The following CCAR1 variants were observed in gnomAD, a reference collection of about 807,000 sequenced individuals.
The protein encoded by CCAR1 is cell division cycle and apoptosis regulator 1.
CCAR1 carries 78 observed loss-of-function variants against 163.8 expected under a neutral mutation model. The observed-to-expected ratio is 0.48, with a 90% CI of 0.40 to 0.57. CCAR1 has a LOEUF of 0.57. CCAR1 is among the 20% of genes least tolerant of loss of function. The pLI is 0.00. For synonymous variants in CCAR1, 443 were observed against 460.7 expected (o/e 0.96, Z 0.49); for missense variants, 1,019 against 1,365.2 (o/e 0.75, Z 4.00).
intron 6 of CCAR1, among the ~76,000 whole-genome samples, chr10:68,743,165 C>T (rs1288245518): frequency 1.3e-5 from 2 of 151,130 alleles, no homozygotes; most frequent in African/African-American, 4.9e-5. Flanking sequence ...ATAGGATAAT[C>T]ATTCCCTTAC....
chr10:68,722,597 G>T lies in CCAR1; in HGVS notation c.73+20G>T. The T allele has an allele frequency of 6.4e-7, 1 of 1,570,874 alleles. No individual in the cohort carries two copies. Among genetic ancestry groups the T allele is most frequent in the Admixed American group, 1.7e-5 (1 of 59,692 alleles). On this transcript the variant is annotated intron_variant, in intron 2 of 24. Coordinates refer to ENST00000265872, the MANE Select transcript of CCAR1 (RefSeq NM_018237.4). ...AGCCAGGTCAGGCTTCTAAATACAT[G>T]TACTGTAATTGTTTGTGGGGGACTT... is the stretch of plus-strand genomic sequence containing the variant.
chr10:68,766,303 A>G (rs948392629), intron 17 of CCAR1, among the ~76,000 whole-genome samples: 1 of 151,904 alleles, frequency 6.6e-6, no homozygotes, highest in African/African-American at 2.4e-5. Context: ...CCCGGGTTCA[A>G]GCAATTCTCC....
At chr10:68,722,087 C>G (rs1451005767) in intron 1 of CCAR1, among the ~76,000 whole-genome samples, 1 of 152,166 alleles carries the variant, frequency 6.6e-6, no homozygotes. Flanking sequence ...AACCCATTGC[C>G]AGAAGAAACA....
chr10:68,788,099 G>T, intron 22 of CCAR1, 44 bp from the exon 23 acceptor site: 1 of 1,521,922 alleles, frequency 6.6e-7, no homozygotes, highest in Admixed American at 2.2e-5. Flanking sequence ...AGTAATTAAA[G>T]AAGAAAAATA....
At chr10:68,769,542 C>G (rs1467445315) in intron 17 of CCAR1, among the ~76,000 whole-genome samples, 2 of 149,154 alleles carry the variant, frequency 1.3e-5, no homozygotes, top group Non-Finnish European at 3.0e-5. Context: ...ATTGCTTGAA[C>G]CTGGGAGGCG....
intron 4 of CCAR1, among the ~76,000 whole-genome samples, chr10:68,738,398 A>G (rs904256672): frequency 1.3e-5 from 2 of 152,158 alleles, no homozygotes; most frequent in Non-Finnish European, 2.9e-5. Flanking sequence ...ACTGTACTCC[A>G]GCCTGGGCAA....
At chr10:68,774,880 G>A (rs1435069262) in intron 19 of CCAR1, 1 of 358,920 alleles carries the variant, frequency 2.8e-6, no homozygotes, top group South Asian at 2.1e-5. Flanking sequence ...AGGTAGATTT[G>A]TGGCTTTTTA....
At chr10:68,791,105 A>G in intron 24 of CCAR1, 102 bp from the exon 25 acceptor site, 1 of 574,860 alleles carries the variant, frequency 1.7e-6, no homozygotes, top group East Asian at 3.3e-5. Flanking sequence ...CTTTATCACT[A>G]GAAAAAAGTA....
chr10:68,786,189 T>TA lies in CCAR1; in HGVS notation c.2705dup (p.Tyr902Ter). ...AGATGACAAAAGAGATATCAACAGATACTGCAAGGAGAGGCCCTCTAAAGA... is the reference window on the plus strand; with the variant it reads ...AGATGACAAAAGAGATATCAACAGATAACTGCAAGGAGAGGCCCTCTAAAGA... ...KRDDKRDINR[Y>*]CKERPSKDKE... The change falls in exon 20 of 25, where the codon TAC (tyrosine) becomes TAAC (stop). Residue 902 changes from tyrosine (Y) to a stop codon, truncating the protein, a stop_gained and frameshift_variant. Transcript: ENST00000265872. LOFTEE classifies it high-confidence loss of function. 6.2e-7 allele frequency: 1 copy of TA among 1,611,354 alleles called. No individual in the cohort carries two copies. Among genetic ancestry groups the TA allele is most frequent in the Non-Finnish European group, 8.5e-7 (1 of 1,177,946 alleles).
intron 5 of CCAR1, among the ~76,000 whole-genome samples, chr10:68,742,121 AC>A (rs2056191480): frequency 6.6e-6 from 1 of 152,178 alleles, no homozygotes; most frequent in Non-Finnish European, 1.5e-5. Context: ...CCTTTACTAT[AC>A]TTAGGACTTT....
Position 68,791,357 on chromosome 10 carries a change from T to A in CCAR1, c.*91T>A. 1 of 779,706 alleles carries A rather than the reference T, an allele frequency of 1.3e-6. No individual in the cohort carries two copies. The highest frequency in any genetic ancestry group is 2.1e-5 in the South Asian group (1 of 48,472). 48.3% of individuals were successfully genotyped at this position (779,706 alleles called of 1,614,324 possible). Reference sequence around the variant, plus strand: ...ATGTTTGAAGGTGATGCATGTTTGATTTTAGTAGTATAAATGTATTTTAGT... The same window carrying A: ...ATGTTTGAAGGTGATGCATGTTTGAATTTAGTAGTATAAATGTATTTTAGT... On this transcript the variant is annotated 3_prime_UTR_variant, in exon 25 of 25. Transcript: ENST00000265872.
Position 68,757,309 on chromosome 10 carries a change from G to T in CCAR1, c.1852G>T (p.Asp618Tyr). The T allele has an allele frequency of 6.4e-7, 1 of 1,560,396 alleles. No homozygotes were observed. The highest frequency in any genetic ancestry group is 8.8e-7 in the Non-Finnish European group (1 of 1,132,012). Residue 618 changes from aspartate to tyrosine, a missense_variant, in exon 15 of 25, where the codon GAT (aspartate) becomes TAT (tyrosine). Transcript: ENST00000265872. Reference sequence around the variant, plus strand: ...TGTATGTCAGGATGAAGAAGAGAAGGATGATGGTGAAGCTAAAGAAATTTC... The same window carrying T: ...TGTATGTCAGGATGAAGAAGAGAAGTATGATGGTGAAGCTAAAGAAATTTC... ...ADGEQDEEEK[D>Y]DGEAKEISTP...
chr10:68,763,909 G>C (rs1307212829), intron 16 of CCAR1, among the ~76,000 whole-genome samples: 1 of 152,122 alleles, frequency 6.6e-6, no homozygotes, highest in Non-Finnish European at 1.5e-5. Flanking sequence ...CCTTGTCCTA[G>C]TTCAGGAATC....
chr10:68,786,275 A>G, intron 20 of CCAR1, 57 bp downstream of exon 20: 1 of 1,208,716 alleles, frequency 8.3e-7, no homozygotes, highest in East Asian at 2.5e-5. Context: ...TCATCTAAAC[A>G]TAACACAGTT....
Position 68,765,893 on chromosome 10 carries a change from A to G in CCAR1, c.2112A>G (p.Glu704=). The part of the protein sequence containing the change: ...DRKSEDDKEE[E]ERKRQEEIER... Reference sequence around the variant, plus strand: ...TTGAAATTTGAAATATTTAGGAAGAAGAAAGGAAACGTCAAGAGGAAATAG... The same window carrying G: ...TTGAAATTTGAAATATTTAGGAAGAGGAAAGGAAACGTCAAGAGGAAATAG... The change falls in exon 17 of 25, where the codon GAA becomes GAG. Residue 704 remains glutamate, a synonymous_variant. Coordinates refer to ENST00000265872, the MANE Select transcript of CCAR1 (RefSeq NM_018237.4). The G allele has an allele frequency of 6.2e-7, 1 of 1,611,028 alleles. No individual in the cohort carries two copies. The highest frequency in any genetic ancestry group is 8.5e-7 in the Non-Finnish European group (1 of 1,178,490).
rs1380732184 is a variant in CCAR1, at chr10:68,723,278, C to T, written c.73+701C>T. 3.3e-5 allele frequency among the ~76,000 whole-genome samples: 5 copies of T among 149,508 alleles called. No individual in the cohort carries two copies. In the South Asian group the frequency reaches 6.4e-4, roughly 19 times the overall value. The stretch of plus-strand genomic sequence containing the variant: ...CTGGGACTACAGGCACCCGCCACCA[C>T]GCCCGGCTAATTTTTTTTTTTTTTG... On this transcript the variant is annotated intron_variant, in intron 2 of 24. Coordinates refer to ENST00000265872, the MANE Select transcript of CCAR1 (RefSeq NM_018237.4).
intron 2 of CCAR1, among the ~76,000 whole-genome samples, chr10:68,733,660 ATTTAT>A (rs890952583): frequency 6.6e-6 from 1 of 151,924 alleles, no homozygotes; most frequent in African/African-American, 2.4e-5. Context: ...AATTTTTAAA[ATTTAT>A]TTTATTTATT....
intron 19 of CCAR1, among the ~76,000 whole-genome samples, chr10:68,783,000 CTTTTTTTTTTTT>C (rs34366966): frequency 2.2e-5 from 2 of 92,426 alleles, no homozygotes; most frequent in Non-Finnish European, 4.3e-5. Flanking sequence ...TCACTTTACT[CTTTTTTTTTTTT>C]TTTTTTTTGA....
At position 68,765,728 on chromosome 10, in the gene CCAR1, C is replaced by G. The variant is rs7099447; in HGVS notation, c.2107-160C>G. Reference sequence around the variant, plus strand: ...CTACTCTTAGTGAATTTGAGCTTTCCTCCCTTCTCAACGCTTATGGTTTGT... The same window carrying G: ...CTACTCTTAGTGAATTTGAGCTTTCGTCCCTTCTCAACGCTTATGGTTTGT... On this transcript the variant is annotated intron_variant, in intron 16 of 24. Coordinates refer to ENST00000265872, the MANE Select transcript of CCAR1 (RefSeq NM_018237.4). Among the ~76,000 whole-genome samples, 422 of 152,212 alleles carry G rather than the reference C, an allele frequency of 2.8e-3. 3 individuals carry two copies. Among genetic ancestry groups the G allele is most frequent in the African/African-American group, 9.5e-3 (394 of 41,536 alleles).
Sources: allele counts gnomAD v4.1 joint callset (sites outside exome capture counted in the v4.1 genomes callset), GRCh38; gene constraint gnomAD v4.1.1; transcripts MANE v1.5; gene names NCBI Gene and HGNC (gene_info 2026-07-23, HGNC 2026-07-21).